Variants in GNE observed in about 807,000 individuals in gnomAD.
GNE encodes bifunctional UDP-N-acetylglucosamine 2-epimerase/N-acetylmannosamine kinase.
GNE carries 41 observed loss-of-function variants against 61.8 expected under a neutral mutation model. The ratio of observed to expected loss-of-function variants is 0.66; its 90% CI spans 0.52 to 0.86. The LOEUF is 0.86. Ranked by LOEUF, GNE falls within the 40% of genes least tolerant of loss-of-function variation. The probability of loss-of-function intolerance (pLI) is 0.00; values close to 1 mark genes in which losing one functional copy is unlikely to be tolerated. For missense variants in GNE, 608 were observed against 909.1 expected (o/e 0.67, Z 4.26); for synonymous variants, 264 against 326.4 (o/e 0.81, Z 2.06).
Position 36,246,633 on chromosome 9 carries a change from A to G in GNE, c.165-151T>C, listed in dbSNP as rs192089211. ...CTTACAAACATAAAAAGCATAGACC[A>G]TAAGTGTAAACAGCCTGATTAAGAT... On this transcript the variant is annotated intron_variant, in intron 2 of 11. Coordinates refer to ENST00000642385, the MANE Select transcript of GNE (RefSeq NM_005476.7). 4 of 598,882 alleles carry G rather than the reference A, an allele frequency of 6.7e-6. No individual in the cohort carries two copies. The East Asian group carries it at 8.8e-5, about 13-fold the overall frequency. 37.1% of individuals were successfully genotyped at this position (598,882 alleles called of 1,614,324 possible). A position where few individuals can be genotyped will look rare whatever the true frequency, so the allele number is the denominator to read the frequency against.
At chr9:36,268,630 T>G (rs1045424230) in intron 1 of GNE, among the ~76,000 whole-genome samples, 1 of 152,086 alleles carries the variant, frequency 6.6e-6, no homozygotes, top group African/African-American at 2.4e-5. Context: ...ATCATGCCAC[T>G]GCATCTCAGC....
chr9:36,230,466 CT>C (rs202200337), intron 5 of GNE, among the ~76,000 whole-genome samples: 1,799 of 145,290 alleles, frequency 0.012, 17 homozygotes, highest in Middle Eastern at 0.032. Context: ...ATTTACAAGT[CT>C]TTTTTTTTTT....
rs1423195024 is a variant in GNE, at chr9:36,218,483, T to C, written c.1817-184A>G. Among the ~76,000 whole-genome samples the C allele has an allele frequency of 6.6e-6, 1 of 152,220 alleles. No individual in the cohort carries two copies. The highest frequency in any genetic ancestry group is 1.5e-5 in the Non-Finnish European group (1 of 68,030). On this transcript the variant is annotated intron_variant, in intron 10 of 11. Transcript: ENST00000642385. The surrounding 1 kb of genome is among the most constrained non-coding windows in gnomAD (Gnocchi z 4.1). ...AAAGCCTTTGCTACCCTCTTGCTAA[T>C]TGGTTGTACATAACCCAGAACCTAT... is the stretch of plus-strand genomic sequence containing the variant.
At chr9:36,245,006 G>T (rs1004352118) in intron 3 of GNE, among the ~76,000 whole-genome samples, 2 of 151,684 alleles carry the variant, frequency 1.3e-5, no homozygotes, top group East Asian at 3.9e-4. Flanking sequence ...GGCCAGGCAC[G>T]GTGGCTCACG....
upstream of GNE, among the ~76,000 whole-genome samples, chr9:36,261,517 C>G (rs954880583): frequency 6.8e-6 from 1 of 147,532 alleles, no homozygotes; most frequent in Admixed American, 6.8e-5. Flanking sequence ...CGTGCCACTG[C>G]ACTCCAGCCT....
Position 36,229,025 on chromosome 9 carries a change from G to C in GNE, c.1066C>G (p.Pro356Ala), listed in dbSNP as rs1457585618. 4 of 1,570,510 alleles carry C rather than the reference G, an allele frequency of 2.5e-6. No homozygotes were observed. Among genetic ancestry groups the C allele is most frequent in the Non-Finnish European group, 3.5e-6 (4 of 1,140,504 alleles). Residue 356 changes from proline to alanine, a missense_variant, in exon 6 of 12, where the codon CCT becomes GCT. By Grantham distance (27) the Pro-to-Ala change is conservative. Coordinates refer to ENST00000642385, the MANE Select transcript of GNE (RefSeq NM_005476.7). ...ALHLQFGKQY[P>A]CSKIYGDGNA... The stretch of plus-strand genomic sequence containing the variant: ...CAAAGAATGTTTTATACTCACCAAG[G>C]GTACTGTTTACCAAACTGAAGGTGC...
intron 1 of GNE, among the ~76,000 whole-genome samples, chr9:36,268,120 C>T (rs1830876308): frequency 6.6e-6 from 1 of 151,860 alleles, no homozygotes; most frequent in South Asian, 2.1e-4. Flanking sequence ...GCCTGGGCAA[C>T]AGAGTGAGAC....
chr9:36,269,783 T>C (rs998533466), intron 1 of GNE, among the ~76,000 whole-genome samples: 1 of 151,756 alleles, frequency 6.6e-6, no homozygotes, highest in Non-Finnish European at 1.5e-5. Context: ...TGCCTCAGCT[T>C]CCTGAGTATC....
rs766541373 is a variant in GNE at position 36,229,092 on chromosome 9, A to AT, written c.998dup (p.His333GlnfsTer6). ...TGTCTTGGGTGTCAGCATCCCGGAC[A>AT]TGAAGAACATTCTCCCCTAGGTAAA... is the stretch of plus-strand genomic sequence containing the variant. On this transcript the variant is annotated frameshift_variant, in exon 6 of 12. Transcript: ENST00000642385. LOFTEE classifies it high-confidence loss of function. 6.2e-7 allele frequency: 1 copy of AT among 1,605,162 alleles called. No homozygotes were observed. The highest frequency in any genetic ancestry group is 1.3e-5 in the African/African-American group (1 of 74,752).
chr9:36,255,619 G>A (rs1025580021), intron 1 of GNE, among the ~76,000 whole-genome samples: 1 of 152,112 alleles, frequency 6.6e-6, no homozygotes, highest in Admixed American at 6.6e-5. Flanking sequence ...GTGACAGAGT[G>A]AGACCCTATC....
chr9:36,227,072 A>G (rs1828900434), intron 7 of GNE, among the ~76,000 whole-genome samples, 176 bp downstream of exon 7: 1 of 152,178 alleles, frequency 6.6e-6, no homozygotes, highest in Admixed American at 6.5e-5. Flanking sequence ...TTGAAATGTT[A>G]ATGATCAGTA....
chr9:36,232,501 C>T (rs1181164906), intron 5 of GNE, among the ~76,000 whole-genome samples: 3 of 152,180 alleles, frequency 2.0e-5, no homozygotes, highest in African/African-American at 7.2e-5. Context: ...CTGTATCACT[C>T]TGCCTCTTGC....
chr9:36,231,081 A>AAAAAG (rs1554660476), intron 5 of GNE, among the ~76,000 whole-genome samples: 82 of 140,934 alleles, frequency 5.8e-4, no homozygotes, highest in African/African-American at 2.2e-3. Context: ...AAAAAAAAAA[A>AAAAAG]AAAGAAAGAA....
intron 5 of GNE, 21 bp downstream of exon 5, chr9:36,233,899 A>T: frequency 6.4e-7 from 1 of 1,564,558 alleles, no homozygotes; most frequent in South Asian, 1.1e-5. Context: ...AGTCAGTTGA[A>T]GTATGAGCAA....
In GNE at chr9:36,269,124, C is replaced by A. The variant is rs568505684; in HGVS notation, c.51+7770G>T. Among the ~76,000 whole-genome samples, 8 of 140,368 alleles carry A rather than the reference C, an allele frequency of 5.7e-5. No homozygotes were observed. In the South Asian group the frequency reaches 1.8e-3, roughly 32 times the overall value. The allele number at this position is 140,368 out of a possible 152,430, so 92.1% of individuals were successfully genotyped here. A position where few individuals can be genotyped will look rare whatever the true frequency, so the allele number is the denominator to read the frequency against. ...CAGCCTGGGCAACAGAGCGAGACTC[C>A]GTCTCAAAAAAAAAAAAAAAAGCCT... On this transcript the variant is annotated intron_variant, in intron 1 of 11. Coordinates refer to the GNE transcript ENST00000396594.
rs745873662 is a variant in GNE at position 36,234,015 on chromosome 9, C to T, written c.887G>A (p.Cys296Tyr). 1 of 1,614,202 alleles carries T rather than the reference C, an allele frequency of 6.2e-7. No individual in the cohort carries two copies. The highest frequency in any genetic ancestry group is 8.5e-7 in the Non-Finnish European group (1 of 1,180,002). ...CCCACAGCTGCTGTTCCCAATCATA[C>T]AGCCAGCATGGGCAACCAACTGTAT... ...QFIQLVAHAGCMIGNSSCGVR... is the reference protein window; with the variant it reads ...QFIQLVAHAGYMIGNSSCGVR... The change falls in exon 5 of 12, where the codon TGT (cysteine) becomes TAT (tyrosine). Residue 296 changes from cysteine (C) to tyrosine (Y), a missense_variant. Transcript: ENST00000642385.
chr9:36,216,333 G>A lies in GNE; in HGVS notation c.*1032C>T, dbSNP rs1028819254. On this transcript the variant is annotated 3_prime_UTR_variant, in exon 12 of 12. Coordinates refer to ENST00000642385, the MANE Select transcript of GNE (RefSeq NM_005476.7). ...TGGGGTTAGAGGAGGAAGGATGTGT[G>A]TGTGTGTGTGTGTGTGTGTGTAGAC... 1 of 413,248 alleles carries A rather than the reference G, an allele frequency of 2.4e-6. No individual in the cohort carries two copies. The highest frequency in any genetic ancestry group is 5.0e-6 in the Non-Finnish European group (1 of 198,182). The allele number at this position is 413,248 out of a possible 1,614,324, so 25.6% of individuals were successfully genotyped here.
At chr9:36,230,455 T>C (rs898544155) in intron 5 of GNE, among the ~76,000 whole-genome samples, 7 of 151,900 alleles carry the variant, frequency 4.6e-5, no homozygotes, top group Non-Finnish European at 8.8e-5. Context: ...TTCTCTGCCC[T>C]ATTTACAAGT....
At chr9:36,239,102 G>A (rs1829528950) in intron 3 of GNE, among the ~76,000 whole-genome samples, 1 of 152,058 alleles carries the variant, frequency 6.6e-6, no homozygotes, top group South Asian at 2.1e-4. Flanking sequence ...GCCTATTTTT[G>A]TACCAGTAAC....
Sources: allele counts gnomAD v4.1 joint callset (sites outside exome capture counted in the v4.1 genomes callset), GRCh38; gene constraint gnomAD v4.1.1; non-coding constraint Gnocchi (gnomAD v3.1); transcripts MANE v1.5; gene names NCBI Gene and HGNC (gene_info 2026-07-23, HGNC 2026-07-21).